Variants in IFT43 observed in about 807,000 individuals in gnomAD.
IFT43 encodes intraflagellar transport protein 43 homolog.
Under a neutral mutation model 32.3 loss-of-function variants are expected in IFT43, and 33 were observed. That is an observed-to-expected ratio of 1.02 (90% CI 0.77 to 1.37). The LOEUF (loss-of-function observed/expected upper bound fraction) is 1.37, where lower values mean the gene tolerates loss of function less well. Ranked by LOEUF, IFT43 falls within the 40% of genes most tolerant of loss-of-function variation. The probability of loss-of-function intolerance (pLI) is 0.00; values close to 1 mark genes in which losing one functional copy is unlikely to be tolerated. For synonymous variants in IFT43, 93 were observed against 98.2 expected (o/e 0.95, Z 0.31); for missense variants, 274 against 265.9 (o/e 1.03, Z -0.21).
chr14:76,041,350 C>G (rs949114969), intron 3 of IFT43, among the ~76,000 whole-genome samples: 1 of 152,186 alleles, frequency 6.6e-6, no homozygotes, highest in Non-Finnish European at 1.5e-5. Context: ...TAAATGATAA[C>G]AGCCAAAAGC....
rs187286090 is a variant in IFT43, at chr14:76,025,644, A to G, written c.215+3250A>G. 3.9e-3 allele frequency among the ~76,000 whole-genome samples: 594 copies of G among 152,280 alleles called. 3 individuals carry two copies. The highest frequency in any genetic ancestry group is 0.02 in the Middle Eastern group (6 of 294). On this transcript the variant is annotated intron_variant, in intron 3 of 8. Transcript: ENST00000314067. ...ATAGAACAGAATAGAGAACCCAGAA[A>G]TAAGACCATATACCTGCAACTATCT...
downstream of IFT43, chr14:76,084,043 C>T (rs1351611513): frequency 1.8e-5 from 8 of 450,898 alleles, no homozygotes; most frequent in Admixed American, 1.9e-4. Context: ...CAGGCAGCTG[C>T]AGCGGAGGGA....
At chr14:76,067,118 C>T (rs1352191987) in intron 5 of IFT43, among the ~76,000 whole-genome samples, 2 of 152,224 alleles carry the variant, frequency 1.3e-5, no homozygotes, top group Admixed American at 6.5e-5. Context: ...TATTGCTCAG[C>T]ATTCAGCCTC....
chr14:76,003,702 A>C (rs887423222), intron 2 of IFT43, among the ~76,000 whole-genome samples: 34 of 152,076 alleles, frequency 2.2e-4, no homozygotes, highest in Admixed American at 7.9e-4. Flanking sequence ...TTGTCCCCCC[A>C]GTCCTTTGTG....
intron 5 of IFT43, among the ~76,000 whole-genome samples, chr14:76,060,854 CTTCCTTCTT>C (rs1357325308): frequency 7.1e-6 from 1 of 141,110 alleles, no homozygotes; most frequent in East Asian, 2.0e-4. Context: ...TCCTTCCTTC[CTTCCTTCTT>C]TTCTTTCCTT....
At chr14:76,006,491 CTG>C (rs1157376032) in intron 2 of IFT43, among the ~76,000 whole-genome samples, 1 of 152,132 alleles carries the variant, frequency 6.6e-6, no homozygotes, top group African/African-American at 2.4e-5. Flanking sequence ...GAGAAAGAGA[CTG>C]TAGCATGTTT....
chr14:76,083,413 G>A (rs199733687), intron 8 of IFT43, 45 bp from the exon 9 acceptor site: 5 of 1,614,038 alleles, frequency 3.1e-6, no homozygotes, highest in Middle Eastern at 1.7e-4. Context: ...ACAGTTGAGG[G>A]AAAAGGCCTT....
At chr14:76,052,287 A>G (rs960444509) in intron 3 of IFT43, among the ~76,000 whole-genome samples, 2 of 152,226 alleles carry the variant, frequency 1.3e-5, no homozygotes, top group Non-Finnish European at 2.9e-5. Context: ...GCAGTATTCC[A>G]TTAAACTCGA....
intron 5 of IFT43, among the ~76,000 whole-genome samples, chr14:76,075,819 C>T (rs1024150522): frequency 1.3e-5 from 2 of 152,166 alleles, no homozygotes; most frequent in Admixed American, 1.3e-4. Context: ...TTTAAAATTC[C>T]CCATACGTGA....
At chr14:76,048,964 C>T (rs1043944482) in intron 3 of IFT43, among the ~76,000 whole-genome samples, 2 of 151,996 alleles carry the variant, frequency 1.3e-5, no homozygotes, top group African/African-American at 4.8e-5. Context: ...TATGGGGTTT[C>T]GGGGAAATCA....
intron 2 of IFT43, among the ~76,000 whole-genome samples, chr14:76,001,510 T>C (rs1167492763): frequency 1.3e-5 from 2 of 152,114 alleles, no homozygotes; most frequent in Non-Finnish European, 2.9e-5. Flanking sequence ...GGAGACCAGG[T>C]AGGACCCTGC....
chr14:76,059,128 G>T, intron 4 of IFT43, 199 bp from the exon 5 acceptor site: 1 of 1,489,280 alleles, frequency 6.7e-7, no homozygotes, highest in Admixed American at 2.1e-5. Flanking sequence ...CTGTCCTCTG[G>T]AATAGTGCAT....
intron 3 of IFT43, among the ~76,000 whole-genome samples, chr14:76,028,663 A>G (rs529405724): frequency 3.9e-5 from 6 of 152,018 alleles, no homozygotes; most frequent in Non-Finnish European, 5.9e-5. Context: ...CTCTATGTCT[A>G]TATGTGCCCA....
rs371700360 is a variant in IFT43, at chr14:75,986,576, CAT to C, written c.54+739_54+740del. 1.3e-3 allele frequency among the ~76,000 whole-genome samples: 196 copies of C among 152,218 alleles called. 1 individual carries two copies. The highest frequency in any genetic ancestry group is 4.5e-3 in the African/African-American group (187 of 41,512). On this transcript the variant is annotated intron_variant, in intron 1 of 8. Coordinates refer to ENST00000314067, the MANE Select transcript of IFT43 (RefSeq NM_001102564.3). The stretch of plus-strand genomic sequence containing the variant: ...GGGAAGCGTGTAACTCAGTGCTTGG[CAT>C]ATGTTATCACGGAAGAGGTCAGAAG...
chr14:76,056,267 AC>A (rs1035616070), intron 3 of IFT43, among the ~76,000 whole-genome samples: 10 of 152,138 alleles, frequency 6.6e-5, no homozygotes, highest in Non-Finnish European at 1.5e-4. Context: ...AGAACACGCC[AC>A]CTGAGGGCAT....
At chr14:76,058,106 C>T (rs78887471) in intron 3 of IFT43, 4 of 190,568 alleles carry the variant, frequency 2.1e-5, no homozygotes, top group East Asian at 1.4e-4. Context: ...ACCATAGATA[C>T]GCGTGTATCA....
At chr14:76,073,862 C>A (rs1237232724) in intron 5 of IFT43, among the ~76,000 whole-genome samples, 2 of 152,116 alleles carry the variant, frequency 1.3e-5, no homozygotes, top group African/African-American at 2.4e-5. Flanking sequence ...CGTTCTCCCC[C>A]TCCCCCCGTT....
intron 5 of IFT43, among the ~76,000 whole-genome samples, chr14:76,081,440 C>A (rs137854939): frequency 5.0e-4 from 76 of 152,344 alleles, no homozygotes; most frequent in African/African-American, 1.7e-3. Context: ...ATGTCTCAAC[C>A]AGTCAGTGAT....
intron 2 of IFT43, among the ~76,000 whole-genome samples, chr14:75,998,497 G>C (rs1007317372): frequency 3.3e-5 from 5 of 152,194 alleles, no homozygotes; most frequent in Non-Finnish European, 5.9e-5. Context: ...TTGTGTTTAG[G>C]AAACACATAG....
Sources: allele counts gnomAD v4.1 joint callset (sites outside exome capture counted in the v4.1 genomes callset), GRCh38; gene constraint gnomAD v4.1.1; transcripts MANE v1.5; gene names NCBI Gene and HGNC (gene_info 2026-07-23, HGNC 2026-07-21).